The following DAB1 variants were observed in gnomAD, a reference collection of about 807,000 sequenced individuals.
DAB1 encodes the protein DAB adaptor protein 1, also known as disabled homolog 1.
In DAB1, 15 loss-of-function variants were observed where a neutral mutation model predicts 64.6. The observed-to-expected ratio is 0.23, with a 90% CI of 0.16 to 0.36. The LOEUF is 0.36. Ranked by LOEUF, DAB1 falls within the 10% of genes least tolerant of loss-of-function variation. The pLI is 1.00. For synonymous variants in DAB1, 235 were observed against 251.9 expected (o/e 0.93, Z 0.64); for missense variants, 596 against 706.7 (o/e 0.84, Z 1.78).
At position 57,995,676 on chromosome 1, in the gene DAB1, C is replaced by A. The variant is rs572904197; in HGVS notation, n.388-111514G>T. 9.2e-5 allele frequency among the ~76,000 whole-genome samples: 14 copies of A among 152,092 alleles called. No individual in the cohort carries two copies. The East Asian group carries it at 2.7e-3, about 29-fold the overall frequency. Reference sequence around the variant, plus strand: ...ACGTTAATGGATTATTCAAACAAACCTTTACTCACAGCTATCAAGATCAAG... The same window carrying A: ...ACGTTAATGGATTATTCAAACAAACATTTACTCACAGCTATCAAGATCAAG... On this transcript the variant is annotated intron_variant and non_coding_transcript_variant, in intron 5 of 20. Coordinates refer to the DAB1 transcript ENST00000485760.
intron 1 of DAB1, among the ~76,000 whole-genome samples, chr1:58,538,482 CATAAAT>C (rs1176720462): frequency 4.0e-5 from 6 of 149,356 alleles, no homozygotes; most frequent in South Asian, 2.1e-4. Flanking sequence ...ATTTTGTAGT[CATAAAT>C]ATAAGATTTT....
intron 5 of DAB1, among the ~76,000 whole-genome samples, chr1:58,134,675 T>A (rs1386131885): frequency 1.3e-5 from 2 of 152,116 alleles, no homozygotes; most frequent in African/African-American, 4.8e-5. Flanking sequence ...GGGACGGTGA[T>A]ACACACTTTT....
intron 2 of DAB1, among the ~76,000 whole-genome samples, chr1:57,200,883 G>A (rs1000107015): frequency 2.0e-5 from 3 of 152,196 alleles, no homozygotes; most frequent in Non-Finnish European, 4.4e-5. Flanking sequence ...GTGAGGAGAT[G>A]AGGCAAGTAG....
intron 5 of DAB1, among the ~76,000 whole-genome samples, chr1:57,904,600 T>C (rs1242078362): frequency 6.6e-6 from 1 of 152,132 alleles, no homozygotes; most frequent in African/African-American, 2.4e-5. Context: ...AGAGGGGGCC[T>C]TTTGGAGCAG....
intron 3 of DAB1, among the ~76,000 whole-genome samples, chr1:57,144,751 G>C (rs931157078): frequency 1.3e-5 from 2 of 151,266 alleles, no homozygotes; most frequent in Non-Finnish European, 2.9e-5. Context: ...CAGAGAAAAG[G>C]CTTCTTTATA....
At chr1:57,663,984 T>C (rs1646417570) in intron 6 of DAB1, among the ~76,000 whole-genome samples, 1 of 152,164 alleles carries the variant, frequency 6.6e-6, no homozygotes, top group African/African-American at 2.4e-5. Context: ...GCAGGCAACA[T>C]GGAGGTAAAA....
chr1:57,590,033 A>G (rs1043870709), intron 7 of DAB1, among the ~76,000 whole-genome samples: 3 of 152,188 alleles, frequency 2.0e-5, no homozygotes, highest in Admixed American at 6.5e-5. Context: ...TAGAGATATC[A>G]TAAAAAATAA....
intron 9 of DAB1, among the ~76,000 whole-genome samples, chr1:57,042,709 C>G (rs3768202): frequency 0.43 from 66,086 of 152,026 alleles, 14,509 homozygotes; most frequent in Middle Eastern, 0.55. Flanking sequence ...GGATGAACTT[C>G]TTTATATAAT....
chr1:58,218,767 A>G (rs1227935237), intron 4 of DAB1, among the ~76,000 whole-genome samples: 1 of 152,182 alleles, frequency 6.6e-6, no homozygotes, highest in Non-Finnish European at 1.5e-5. Flanking sequence ...TGTTTTCCAG[A>G]GGGAGGCTTC....
intron 5 of DAB1, among the ~76,000 whole-genome samples, chr1:58,015,155 A>G (rs1646720995): frequency 6.6e-6 from 1 of 152,180 alleles, no homozygotes; most frequent in African/African-American, 2.4e-5. Context: ...CATGGGCCTG[A>G]GATGGAGGCA....
chr1:58,358,245 A>T (rs959583987), intron 3 of DAB1, among the ~76,000 whole-genome samples: 3 of 152,210 alleles, frequency 2.0e-5, no homozygotes, highest in African/African-American at 7.2e-5. Context: ...ACAGTCGGGG[A>T]GTTAGAAATT....
rs561393589 is a variant in DAB1 at position 57,895,467 on chromosome 1, A to G, written n.388-11305T>C. On this transcript the variant is annotated intron_variant and non_coding_transcript_variant, in intron 5 of 20. Transcript: ENST00000485760. ...AGATATTCCAGAAACAACTAAATCA[A>G]CCATTAGTGTATTGTGTACTTTTCA... 5.3e-5 allele frequency among the ~76,000 whole-genome samples: 8 copies of G among 152,294 alleles called. No homozygotes were observed. The East Asian group carries it at 1.5e-3, about 29-fold the overall frequency.
At chr1:58,426,135 A>G (rs1194275100) in intron 3 of DAB1, among the ~76,000 whole-genome samples, 1 of 152,136 alleles carries the variant, frequency 6.6e-6, no homozygotes, top group African/African-American at 2.4e-5. Context: ...GATTATTATT[A>G]TTCCATTTTG....
chr1:57,003,618 A>G (rs1336738551), intron 14 of DAB1, among the ~76,000 whole-genome samples: 1 of 152,174 alleles, frequency 6.6e-6, no homozygotes, highest in Non-Finnish European at 1.5e-5. Context: ...ATGTTGTGCA[A>G]CCATCAGCAT....
At chr1:57,837,615 A>G (rs1456855802) in intron 1 of DAB1, among the ~76,000 whole-genome samples, 5 of 151,978 alleles carry the variant, frequency 3.3e-5, no homozygotes, top group African/African-American at 1.2e-4. Context: ...AAATGGCCCA[A>G]CTTATTAAGA....
chr1:57,784,969 C>CA (rs1569676476), intron 6 of DAB1, among the ~76,000 whole-genome samples: 1 of 151,962 alleles, frequency 6.6e-6, no homozygotes, highest in African/African-American at 2.4e-5. Flanking sequence ...TTTAAAGCTC[C>CA]AAAAAACAGC....
At chr1:58,520,590 A>G (rs1646246750) in intron 2 of DAB1, among the ~76,000 whole-genome samples, 1 of 152,232 alleles carries the variant, frequency 6.6e-6, no homozygotes, top group African/African-American at 2.4e-5. Context: ...GGCTACACAC[A>G]CAAGAACACA....
At chr1:57,824,433 G>T (rs1652255489), downstream of DAB1, among the ~76,000 whole-genome samples, 1 of 152,074 alleles carries the variant, frequency 6.6e-6, no homozygotes. Flanking sequence ...TCTTCTTCCA[G>T]GGTGTGATTT....
chr1:57,469,419 G>T (rs1477084046), intron 7 of DAB1, among the ~76,000 whole-genome samples: 1 of 152,046 alleles, frequency 6.6e-6, no homozygotes, highest in Non-Finnish European at 1.5e-5. Flanking sequence ...AAAAAAGTTG[G>T]GACATTTCTA....
Sources: gnomAD v4.1 joint callset for allele counts (sites outside exome capture counted in the v4.1 genomes callset) on GRCh38, gnomAD v4.1.1 for gene constraint, MANE v1.5 for transcripts, NCBI Gene and HGNC (gene_info 2026-07-23, HGNC 2026-07-21) for gene names.